The following AKAP7 variants were observed in gnomAD, a reference collection of about 807,000 sequenced individuals.
AKAP7 encodes the protein A kinase (PRKA) anchor protein 7.
A neutral mutation model predicts 39.5 loss-of-function variants in AKAP7; 39 were observed. The observed-to-expected ratio is 0.99, with a 90% confidence interval of 0.76 to 1.29. The LOEUF is 1.29. AKAP7 is among the 50% of genes most tolerant of loss of function. The pLI is 0.00. For synonymous variants in AKAP7, 140 were observed against 139.1 expected (o/e 1.01, Z -0.05); for missense variants, 414 against 407.7 (o/e 1.02, Z -0.13).
chr6:131,201,454 G>T (rs886348877), intron 6 of AKAP7, among the ~76,000 whole-genome samples: 2 of 151,990 alleles, frequency 1.3e-5, no homozygotes, highest in Admixed American at 6.6e-5. Flanking sequence ...TTTTTTTCTT[G>T]TAAATTTGTT....
At chr6:131,153,975 C>T (rs149128760) in intron 2 of AKAP7, among the ~76,000 whole-genome samples, 51 of 152,104 alleles carry the variant, frequency 3.4e-4, no homozygotes, top group Non-Finnish European at 5.7e-4. Context: ...TTTGGGAGAC[C>T]GAGGAACGTG....
chr6:131,260,719 A>C (rs181203718), intron 7 of AKAP7, among the ~76,000 whole-genome samples: 4 of 151,988 alleles, frequency 2.6e-5, no homozygotes, highest in Non-Finnish European at 5.9e-5. Context: ...GGTCAGATGG[A>C]TAGATTGCAA....
chr6:131,176,028 C>CT (rs1000975278), intron 5 of AKAP7, among the ~76,000 whole-genome samples: 16 of 152,132 alleles, frequency 1.1e-4, no homozygotes, highest in African/African-American at 3.6e-4. Flanking sequence ...GTTAATCTGT[C>CT]TTTTTTATGG....
At position 131,281,447 on chromosome 6, in the gene AKAP7, C is replaced by T. The variant is rs915262374; in HGVS notation, c.851-83C>T. 8.7e-6 allele frequency: 10 copies of T among 1,153,846 alleles called. No homozygotes were observed. The highest frequency in any genetic ancestry group is 1.2e-5 in the Non-Finnish European group (10 of 833,506). 71.5% of individuals were successfully genotyped at this position (1,153,846 alleles called of 1,614,324 possible). On this transcript the variant is annotated intron_variant, in intron 7 of 7. Coordinates refer to ENST00000431975, the MANE Select transcript of AKAP7 (RefSeq NM_016377.4). This position sits in a 1 kb window ranked among gnomAD's most constrained non-coding sequence, Gnocchi z 4.0. ...CCAATTTACACTTGCTCTTTTTAAC[C>T]AATGGAACTAGCCGGCCCCTGCATG...
At chr6:131,168,961 A>T (rs1448286712) in intron 4 of AKAP7, 152 bp from the exon 5 acceptor site, 1 of 668,692 alleles carries the variant, frequency 1.5e-6, no homozygotes, top group East Asian at 3.0e-5. Context: ...AGTTTTAATC[A>T]TAAAGTTTAG....
At chr6:131,208,820 G>T (rs924865108) in intron 6 of AKAP7, among the ~76,000 whole-genome samples, 2 of 152,160 alleles carry the variant, frequency 1.3e-5, no homozygotes, top group African/African-American at 2.4e-5. Flanking sequence ...CCGTGGCTGG[G>T]CAGCCTCCAT....
chr6:131,175,029 T>A (rs1176585004), intron 5 of AKAP7, among the ~76,000 whole-genome samples: 1 of 152,178 alleles, frequency 6.6e-6, no homozygotes, highest in African/African-American at 2.4e-5. Context: ...ACACATATTG[T>A]ATATGTTACA....
intron 7 of AKAP7, among the ~76,000 whole-genome samples, chr6:131,241,637 A>ATATATATATATATGTGTGTG (rs1554217972): frequency 1.4e-4 from 11 of 78,830 alleles, no homozygotes; most frequent in South Asian, 3.5e-4. Flanking sequence ...GTATATATAT[A>ATATATATATATATGTGTGTG]TGACAGTTAT....
chr6:131,233,799 G>A (rs182368493), intron 7 of AKAP7, among the ~76,000 whole-genome samples: 39 of 152,238 alleles, frequency 2.6e-4, no homozygotes, highest in African/African-American at 8.9e-4. Context: ...TAATCTGGAG[G>A]TCTGGATTAC....
chr6:131,188,061 G>A (rs1338405874), intron 5 of AKAP7, among the ~76,000 whole-genome samples: 1 of 152,222 alleles, frequency 6.6e-6, no homozygotes, highest in East Asian at 1.9e-4. Flanking sequence ...GGTAGAATGA[G>A]TAGAATTCCT....
chr6:131,168,639 G>C (rs1386209081), intron 4 of AKAP7, among the ~76,000 whole-genome samples: 1 of 152,118 alleles, frequency 6.6e-6, no homozygotes, highest in African/African-American at 2.4e-5. Context: ...TCTAATTATA[G>C]AGACTGTTAT....
chr6:131,250,232 A>G, intron 7 of AKAP7: 1 of 1,041,830 alleles, frequency 9.6e-7, no homozygotes, highest in Non-Finnish European at 1.2e-6. Flanking sequence ...AGACATATGC[A>G]AATAGCCAGA....
chr6:131,216,940 C>CTACA (rs1445821258), intron 6 of AKAP7, among the ~76,000 whole-genome samples: 1 of 152,170 alleles, frequency 6.6e-6, no homozygotes, highest in African/African-American at 2.4e-5. Context: ...TATTTTTCTT[C>CTACA]TACATGTGAA....
At chr6:131,280,298 C>T (rs1055487077) in intron 7 of AKAP7, among the ~76,000 whole-genome samples, 1 of 152,070 alleles carries the variant, frequency 6.6e-6, no homozygotes, top group Non-Finnish European at 1.5e-5. Context: ...TTATCCTACC[C>T]TCTCTTCTGC....
intron 7 of AKAP7, among the ~76,000 whole-genome samples, chr6:131,247,265 A>ATATG (rs1351003564): frequency 3.9e-3 from 125 of 31,784 alleles, no homozygotes; most frequent in Admixed American, 0.018. Context: ...GACACATTTC[A>ATATG]TATGTATATA....
At position 131,160,218 on chromosome 6, in the gene AKAP7, A is replaced by T. The variant is rs938484453; in HGVS notation, c.291+20A>T. The T allele has an allele frequency of 3.8e-6, 6 of 1,588,408 alleles. No homozygotes were observed. The African/African-American group carries it at 8.5e-5, about 22-fold the overall frequency. ...AAAGAGGTGCTATTTTTAAAAAGTT[A>T]TTTTTACTGTGAAATTTTATTCTAA... On this transcript the variant is annotated intron_variant, in intron 3 of 7. Coordinates refer to ENST00000431975, the MANE Select transcript of AKAP7 (RefSeq NM_016377.4).
At chr6:131,184,800 G>A in intron 5 of AKAP7, 5 of 1,451,168 alleles carry the variant, frequency 3.4e-6, no homozygotes, top group Non-Finnish European at 4.8e-6. Flanking sequence ...CCTCAGCCAA[G>A]TGAGAGTGGG....
chr6:131,185,067 C>T, intron 5 of AKAP7: 3 of 704,980 alleles, frequency 4.3e-6, no homozygotes, highest in South Asian at 1.4e-5. Context: ...CTTGCCCAGG[C>T]TGTCATCATC....
chr6:131,231,968 A>G (rs1810660949), intron 7 of AKAP7, among the ~76,000 whole-genome samples: 1 of 152,250 alleles, frequency 6.6e-6, no homozygotes, highest in African/African-American at 2.4e-5. Flanking sequence ...ACTTCTTTAC[A>G]TCTGCCAAAG....
Sources: gnomAD v4.1 joint callset for allele counts (sites outside exome capture counted in the v4.1 genomes callset) on GRCh38, gnomAD v4.1.1 for gene constraint, Gnocchi (gnomAD v3.1) non-coding constraint, MANE v1.5 for transcripts, NCBI Gene and HGNC (gene_info 2026-07-23, HGNC 2026-07-21) for gene names.